The following HIVEP1 variants were observed in gnomAD, a reference collection of about 807,000 sequenced individuals.
HIVEP1 encodes the protein zinc finger protein 40.
HIVEP1 carries 36 observed loss-of-function variants against 180.0 expected under a neutral mutation model. That is an observed-to-expected ratio of 0.20 (90% CI 0.15 to 0.26). HIVEP1 has a LOEUF of 0.26. HIVEP1 is among the 10% of genes least tolerant of loss of function. HIVEP1 has a pLI of 1.00. For missense variants in HIVEP1, 3,143 were observed against 3,268.7 expected (o/e 0.96, Z 0.94); for synonymous variants, 1,239 against 1,239.0 (o/e 1.00, Z 0.00).
In HIVEP1 at chr6:12,122,938, G is replaced by A. The variant is rs752424844; in HGVS notation, c.3143G>A (p.Ser1048Asn). ...GDDEELQQNE[S>N]GTSPKSSEGL... ...GATGAAGAACTTCAGCAAAATGAAA[G>A]TGGAACATCTCCAAAAAGTTCTGAA... The change falls in exon 4 of 9, where the codon AGT becomes AAT. Residue 1048 changes from serine (S) to asparagine (N), a missense_variant. By Grantham distance (46) the Ser-to-Asn change is conservative. Transcript: ENST00000379388. 2.5e-6 allele frequency: 4 copies of A among 1,613,784 alleles called. No homozygotes were observed. The African/African-American group carries it at 5.3e-5, about 22-fold the overall frequency.
At chr6:12,030,229 C>A (rs1341044208) in intron 2 of HIVEP1, among the ~76,000 whole-genome samples, 1 of 152,046 alleles carries the variant, frequency 6.6e-6, no homozygotes, top group Non-Finnish European at 1.5e-5. Flanking sequence ...TGTTTCTCAT[C>A]TTTCTCCAAT....
chr6:12,144,451 A>G (rs1759240889), intron 7 of HIVEP1, among the ~76,000 whole-genome samples: 1 of 152,250 alleles, frequency 6.6e-6, no homozygotes, highest in South Asian at 2.1e-4. Context: ...AGGCAATACC[A>G]TTCAGAACAT....
intron 2 of HIVEP1, among the ~76,000 whole-genome samples, chr6:12,059,907 T>C (rs1299864860): frequency 1.3e-5 from 2 of 152,204 alleles, no homozygotes; most frequent in Non-Finnish European, 2.9e-5. Context: ...AATTGCCCTT[T>C]TCATTGGACA....
chr6:12,021,138 A>C (rs9470751), intron 2 of HIVEP1, among the ~76,000 whole-genome samples: 101,203 of 151,840 alleles, frequency 0.67, 34,727 homozygotes, highest in Non-Finnish European at 0.75. Context: ...AGGTGATCCA[A>C]CCGCCTCAAA....
At chr6:12,031,902 C>G (rs1768971361) in intron 2 of HIVEP1, among the ~76,000 whole-genome samples, 1 of 152,116 alleles carries the variant, frequency 6.6e-6, no homozygotes, top group Non-Finnish European at 1.5e-5. Flanking sequence ...GAATGTGGAC[C>G]ATGCTGTCCT....
chr6:12,052,734 T>C (rs993336065), intron 2 of HIVEP1, among the ~76,000 whole-genome samples: 2 of 152,244 alleles, frequency 1.3e-5, no homozygotes, highest in African/African-American at 4.8e-5. Context: ...AACAAATTCT[T>C]ACTGTTCCCA....
In HIVEP1 at chr6:12,074,065, G is replaced by C. The variant is rs115460201; in HGVS notation, c.41-15119G>C. ...TCTTCCTTGTGCATTTGTAGAAATTGCATTGTTTACTGTATGTTATAGGTA... is the reference window on the plus strand; with the variant it reads ...TCTTCCTTGTGCATTTGTAGAAATTCCATTGTTTACTGTATGTTATAGGTA... On this transcript the variant is annotated intron_variant, in intron 2 of 8. Transcript: ENST00000379388. Among the ~76,000 whole-genome samples the C allele has an allele frequency of 6.4e-3, 971 of 152,266 alleles. 9 individuals carry two copies. Among genetic ancestry groups the C allele is most frequent in the African/African-American group, 0.023 (943 of 41,556 alleles).
At chr6:12,069,111 A>G (rs771403729) in intron 2 of HIVEP1, among the ~76,000 whole-genome samples, 69 of 152,240 alleles carry the variant, frequency 4.5e-4, no homozygotes, top group Non-Finnish European at 9.3e-4. Context: ...GTCATTGTGC[A>G]AACACCATGG....
At chr6:12,179,697 G>C in the HIVEP1 span, among the ~76,000 whole-genome samples, 3 of 152,100 alleles carry the variant, frequency 2.0e-5, no homozygotes, top group African/African-American at 7.2e-5. Flanking sequence ...ACAAGTAACA[G>C]TATCACCTAC....
In HIVEP1 at chr6:12,121,030, A is replaced by G. The variant is rs373677100; in HGVS notation, c.1235A>G (p.Asn412Ser). The G allele has an allele frequency of 3.2e-5, 52 of 1,614,106 alleles. No individual in the cohort carries two copies. The highest frequency in any genetic ancestry group is 6.7e-5 in the East Asian group (3 of 44,904). Reference sequence around the variant, plus strand: ...GGAAAATATATTTGTGAGTATTGCAATAGAGCATGTGCAAAGCCTAGTGTG... The same window carrying G: ...GGAAAATATATTTGTGAGTATTGCAGTAGAGCATGTGCAAAGCCTAGTGTG... ...KQGKYICEYC[N>S]RACAKPSVLL... The change falls in exon 4 of 9, where the codon AAT (asparagine) becomes AGT (serine). Residue 412 changes from asparagine (N) to serine (S), a missense_variant. By Grantham distance (46) the Asn-to-Ser change is conservative. Around this residue, in one of 12 missense-constraint regions of HIVEP1, gnomAD observed 28 missense variants for 73.6 expected, o/e 0.38. Transcript: ENST00000379388. The surrounding 1 kb of genome is among the most constrained non-coding windows in gnomAD (Gnocchi z 5.3).
chr6:12,098,616 A>T (rs1310293834), intron 3 of HIVEP1, among the ~76,000 whole-genome samples: 1 of 152,206 alleles, frequency 6.6e-6, no homozygotes, highest in Non-Finnish European at 1.5e-5. Context: ...CTACGTAGAG[A>T]TTTGCTCTTT....
chr6:12,093,652 G>A (rs1773621181), intron 3 of HIVEP1, among the ~76,000 whole-genome samples: 1 of 151,650 alleles, frequency 6.6e-6, no homozygotes. Context: ...GAAACATTTA[G>A]TATGTTTTCC....
the HIVEP1 span, among the ~76,000 whole-genome samples, chr6:12,183,399 G>T: frequency 6.6e-6 from 1 of 152,216 alleles, no homozygotes; most frequent in Non-Finnish European, 1.5e-5. Flanking sequence ...ACTCGCTTTA[G>T]CATCCTCTTC....
chr6:12,167,655 GTTATA>G (rs1562023690), downstream of HIVEP1, among the ~76,000 whole-genome samples: 60 of 103,362 alleles, frequency 5.8e-4, no homozygotes, highest in African/African-American at 1.2e-3. Context: ...ACATATATAT[GTTATA>G]TATACATATA....
intron 2 of HIVEP1, among the ~76,000 whole-genome samples, chr6:12,066,911 A>G (rs1330812281): frequency 6.6e-6 from 1 of 151,830 alleles, no homozygotes; most frequent in Non-Finnish European, 1.5e-5. Flanking sequence ...CATACACTTT[A>G]TTATATATAC....
intron 3 of HIVEP1, among the ~76,000 whole-genome samples, chr6:12,094,554 A>T (rs1391685880): frequency 6.6e-6 from 1 of 151,632 alleles, no homozygotes; most frequent in Non-Finnish European, 1.5e-5. Context: ...TATTTTTATC[A>T]CCTTTTGTTT....
chr6:12,069,514 T>C (rs1581621353), intron 2 of HIVEP1, among the ~76,000 whole-genome samples: 2 of 140,246 alleles, frequency 1.4e-5, no homozygotes, highest in Middle Eastern at 4.0e-3. Context: ...TAGGTGGGAA[T>C]TGAACGATGA....
chr6:12,055,417 G>A (rs536916171), intron 2 of HIVEP1, among the ~76,000 whole-genome samples: 2 of 152,200 alleles, frequency 1.3e-5, no homozygotes, highest in Non-Finnish European at 2.9e-5. Flanking sequence ...AGGTTGCAGT[G>A]AGCTGAGATC....
rs753163381 is a variant in HIVEP1 at position 12,121,568 on chromosome 6, A to T, written c.1773A>T (p.Gln591His). 6.2e-7 allele frequency: 1 copy of T among 1,614,038 alleles called. No homozygotes were observed. The highest frequency in any genetic ancestry group is 8.5e-7 in the Non-Finnish European group (1 of 1,180,034). Residue 591 changes from glutamine to histidine, a missense_variant, in exon 4 of 9, where the codon CAA becomes CAT. By Grantham distance (24) the Gln-to-His change is conservative. Coordinates refer to ENST00000379388, the MANE Select transcript of HIVEP1 (RefSeq NM_002114.4). This position sits in a 1 kb window ranked among gnomAD's most constrained non-coding sequence, Gnocchi z 5.3. Reference protein sequence around the residue: ...MDPKPELSSAQKQKDLQVTNV... With the variant: ...MDPKPELSSAHKQKDLQVTNV... ...CCAAGCCTGAACTTTCTAGTGCACA[A>T]AAGCAGAAGGACCTTCAGGTGACAA...
Sources: gnomAD v4.1 joint callset for allele counts (sites outside exome capture counted in the v4.1 genomes callset) on GRCh38, gnomAD v4.1.1 for gene constraint, gnomAD v4.1.1 regional missense constraint, Gnocchi (gnomAD v3.1) non-coding constraint, MANE v1.5 for transcripts, NCBI Gene and HGNC (gene_info 2026-07-23, HGNC 2026-07-21) for gene names.